PRDM6: variants seen among roughly 807,000 people sequenced by gnomAD.
PRDM6 encodes the protein PR/SET domain 6.
Under a neutral mutation model 60.8 loss-of-function variants are expected in PRDM6, and 25 were observed. The observed-to-expected ratio is 0.41, with a 90% confidence interval of 0.30 to 0.57. PRDM6 has a LOEUF of 0.57. Ranked by LOEUF, PRDM6 falls within the 20% of genes least tolerant of loss-of-function variation. PRDM6 has a pLI of 0.27. For missense variants in PRDM6, 839 were observed against 821.3 expected (o/e 1.02, Z -0.26); for synonymous variants, 407 against 357.4 (o/e 1.14, Z -1.57).
chr5:123,163,404 C>T (rs915268917), intron 5 of PRDM6, among the ~76,000 whole-genome samples: 4 of 152,132 alleles, frequency 2.6e-5, no homozygotes, highest in Non-Finnish European at 2.9e-5. Context: ...GGGTTCAGGA[C>T]GTGCCCCCTC....
At chr5:123,150,497 T>C (rs1765348918) in intron 3 of PRDM6, among the ~76,000 whole-genome samples, 1 of 152,214 alleles carries the variant, frequency 6.6e-6, no homozygotes, top group Non-Finnish European at 1.5e-5. Flanking sequence ...GAATCATTTT[T>C]TTGAGTAAAT....
At chr5:123,175,230 C>T (rs1489319460) in intron 6 of PRDM6, among the ~76,000 whole-genome samples, 1 of 152,124 alleles carries the variant, frequency 6.6e-6, no homozygotes, top group Non-Finnish European at 1.5e-5. Flanking sequence ...CTTTATAATG[C>T]TTATTTTTAT....
Position 123,099,935 on chromosome 5 carries a change from G to T in PRDM6, c.874G>T (p.Val292Leu), listed in dbSNP as rs1458840903. The T allele has an allele frequency of 3.3e-6, 5 of 1,532,388 alleles. No homozygotes were observed. In the African/African-American group the frequency reaches 4.1e-5, roughly 13 times the overall value. The allele number at this position is 1,532,388 out of a possible 1,614,324, so 94.9% of individuals were successfully genotyped here. Residue 292 changes from valine (V) to leucine (L), a missense_variant, in exon 3 of 8, where the codon GTG becomes TTG. Coordinates refer to ENST00000407847, the MANE Select transcript of PRDM6 (RefSeq NM_001136239.4). This position sits in a 1 kb window ranked among gnomAD's most constrained non-coding sequence, Gnocchi z 4.0. ...LPPEKVQAGA[V>L]RNTQHLWEIY... ...CCCAGAGAAGGTGCAGGCAGGCGCC[G>T]TGAGGAACACGCAGCATCTCTGGGA... is the stretch of plus-strand genomic sequence containing the variant.
intron 7 of PRDM6, among the ~76,000 whole-genome samples, chr5:123,183,554 G>A (rs1766214381): frequency 1.3e-5 from 2 of 152,140 alleles, no homozygotes; most frequent in Non-Finnish European, 2.9e-5. Flanking sequence ...CCTGTCAGCA[G>A]CTACCCTAGG....
At chr5:123,125,214 A>G (rs537057166) in intron 3 of PRDM6, among the ~76,000 whole-genome samples, 5 of 150,798 alleles carry the variant, frequency 3.3e-5, no homozygotes, top group Admixed American at 2.0e-4. Context: ...CAGTGCATAG[A>G]TCCCAGGGAC....
chr5:123,180,120 A>T, intron 6 of PRDM6, 27 bp from the exon 7 acceptor site: 2 of 1,510,290 alleles, frequency 1.3e-6, no homozygotes, highest in East Asian at 2.5e-5. Context: ...GAAAACAATG[A>T]CCAGACAGTC....
intron 3 of PRDM6, among the ~76,000 whole-genome samples, chr5:123,134,238 T>C (rs1463122850): frequency 6.6e-6 from 1 of 152,138 alleles, no homozygotes; most frequent in African/African-American, 2.4e-5. Context: ...TTGAGTTCCT[T>C]GTTCTCTTTT....
chr5:123,124,582 A>G (rs1265339324), intron 3 of PRDM6, among the ~76,000 whole-genome samples: 1 of 152,218 alleles, frequency 6.6e-6, no homozygotes, highest in African/African-American at 2.4e-5. Flanking sequence ...TAATTTAGAA[A>G]CTTTGCTGTT....
chr5:123,108,686 G>A (rs917504221), intron 3 of PRDM6, among the ~76,000 whole-genome samples: 13 of 151,984 alleles, frequency 8.6e-5, no homozygotes, highest in African/African-American at 3.1e-4. Flanking sequence ...CTTAAAAAGC[G>A]GAAATTAATT....
chr5:123,189,154 C>T lies in PRDM6; in HGVS notation c.*1953C>T, dbSNP rs189542566. The stretch of plus-strand genomic sequence containing the variant: ...TGTTCTGATTTTACAATTCCCTGCC[C>T]TAAGTGATGGATACGTTTGCAAACA... On this transcript the variant is annotated 3_prime_UTR_variant, in exon 8 of 8. Coordinates refer to ENST00000407847, the MANE Select transcript of PRDM6 (RefSeq NM_001136239.4). 2.0e-5 allele frequency: 3 copies of T among 152,224 alleles called. No homozygotes were observed. The highest frequency in any genetic ancestry group is 7.2e-5 in the African/African-American group (3 of 41,538). 9.4% of individuals were successfully genotyped at this position (152,224 alleles called of 1,614,324 possible).
chr5:123,095,440 G>A (rs901189028), intron 2 of PRDM6, among the ~76,000 whole-genome samples: 3 of 152,238 alleles, frequency 2.0e-5, no homozygotes, highest in Admixed American at 6.5e-5. Context: ...AACCCCACGC[G>A]AGAAGTTCGG....
chr5:123,100,655 A>G (rs948857693), intron 3 of PRDM6, among the ~76,000 whole-genome samples: 2 of 152,226 alleles, frequency 1.3e-5, no homozygotes, highest in African/African-American at 2.4e-5. Context: ...GGAAAATCAA[A>G]ACATGGGAAC....
At chr5:123,123,087 CT>C (rs1446351980) in intron 3 of PRDM6, among the ~76,000 whole-genome samples, 5 of 152,084 alleles carry the variant, frequency 3.3e-5, no homozygotes, top group African/African-American at 7.2e-5. Flanking sequence ...ATTTTAAAAG[CT>C]TTTAATTTTG....
chr5:123,181,021 A>G (rs557804596), intron 7 of PRDM6, among the ~76,000 whole-genome samples: 10 of 152,370 alleles, frequency 6.6e-5, no homozygotes, highest in South Asian at 4.1e-4. Context: ...GTTTCTACAC[A>G]TGGCACACTT....
chr5:123,102,155 T>C, intron 3 of PRDM6, among the ~76,000 whole-genome samples: 1 of 152,188 alleles, frequency 6.6e-6, no homozygotes, highest in African/African-American at 2.4e-5. Context: ...TTTAAAACTT[T>C]AGCCATACAA....
intron 3 of PRDM6, among the ~76,000 whole-genome samples, chr5:123,144,567 G>A (rs374621): frequency 0.72 from 108,822 of 151,748 alleles, 39,165 homozygotes; most frequent in Non-Finnish European, 0.75. Context: ...AGGGATGGTA[G>A]CAGTAGTCCT....
At chr5:123,114,148 AATTCATGGAGTCAAGG>A (rs1764378427) in intron 3 of PRDM6, among the ~76,000 whole-genome samples, 2 of 152,300 alleles carry the variant, frequency 1.3e-5, no homozygotes, top group South Asian at 4.1e-4. Flanking sequence ...ATAGATGGCT[AATTCATGGAGTCAAGG>A]ATCTGAAGGA....
intron 6 of PRDM6, among the ~76,000 whole-genome samples, chr5:123,174,480 G>A (rs1239198644): frequency 1.3e-5 from 2 of 152,176 alleles, no homozygotes; most frequent in Non-Finnish European, 2.9e-5. Context: ...AAAGTCAGAA[G>A]GTAAAACAGG....
At position 123,090,269 on chromosome 5, in the gene PRDM6, C is replaced by G; in HGVS notation, c.255C>G (p.Ser85=). The G allele has an allele frequency of 6.7e-7, 1 of 1,484,986 alleles. No homozygotes were observed. Among genetic ancestry groups the G allele is most frequent in the African/African-American group, 1.5e-5 (1 of 67,122 alleles). The allele number at this position is 1,484,986 out of a possible 1,614,324, so 92.0% of individuals were successfully genotyped here. The change falls in exon 2 of 8, where the codon TCC becomes TCG. Residue 85 remains serine (S), a synonymous_variant. Coordinates refer to ENST00000407847, the MANE Select transcript of PRDM6 (RefSeq NM_001136239.4). Reference sequence around the variant, plus strand: ...CCTCCGCCTCGTCCACGCCGGCTTCCTCTTCCACCTCCGCCTCCTCCGCCT... The same window carrying G: ...CCTCCGCCTCGTCCACGCCGGCTTCGTCTTCCACCTCCGCCTCCTCCGCCT... ...SLSSASSTPA[S]SSTSASSASS...
Sources: allele counts gnomAD v4.1 joint callset (sites outside exome capture counted in the v4.1 genomes callset), GRCh38; gene constraint gnomAD v4.1.1; non-coding constraint Gnocchi (gnomAD v3.1); transcripts MANE v1.5; gene names NCBI Gene and HGNC (gene_info 2026-07-23, HGNC 2026-07-21).